Variants in STRN observed in about 807,000 individuals in gnomAD.
The protein encoded by STRN is protein phosphatase 2 regulatory subunit B'''alpha.
In STRN, 53 loss-of-function variants were observed where a neutral mutation model predicts 96.3. The observed-to-expected ratio is 0.55, with a 90% confidence interval of 0.44 to 0.69. The LOEUF (loss-of-function observed/expected upper bound fraction) is 0.69, where lower values mean the gene tolerates loss of function less well. Among genes scored for constraint, STRN ranks in the 30% least tolerant of loss-of-function variants. The probability of loss-of-function intolerance (pLI) is 0.00; values close to 1 mark genes in which losing one functional copy is unlikely to be tolerated. For missense variants in STRN, 987 were observed against 963.9 expected, an observed-to-expected ratio of 1.02 and a Z score of -0.32; for synonymous variants, 428 against 355.9, an observed-to-expected ratio of 1.20 and a Z score of -2.28.
At chr2:36,902,026 T>C (rs1669696173) in intron 5 of STRN, among the ~76,000 whole-genome samples, 1 of 152,216 alleles carries the variant, frequency 6.6e-6, no homozygotes, top group Admixed American at 6.5e-5. Context: ...GAACTGTTTA[T>C]GATTATTTTA....
At chr2:36,868,622 C>A (rs1668687428) in intron 11 of STRN, among the ~76,000 whole-genome samples, 1 of 152,178 alleles carries the variant, frequency 6.6e-6, no homozygotes, top group Non-Finnish European at 1.5e-5. Context: ...AACACCTAAT[C>A]TATGTGAAAG....
At chr2:36,963,679 C>A (rs1486547656) in intron 1 of STRN, among the ~76,000 whole-genome samples, 5 of 152,040 alleles carry the variant, frequency 3.3e-5, no homozygotes, top group Non-Finnish European at 5.9e-5. Context: ...TGTCCTTGGC[C>A]GGGCACAGTG....
chr2:36,929,949 T>C (rs552061036), intron 1 of STRN, among the ~76,000 whole-genome samples: 2 of 152,346 alleles, frequency 1.3e-5, no homozygotes, highest in East Asian at 1.9e-4. Context: ...AGAGGAAATA[T>C]ATAAGTAAAA....
At chr2:36,911,315 G>A (rs919749052) in intron 3 of STRN, among the ~76,000 whole-genome samples, 2 of 152,206 alleles carry the variant, frequency 1.3e-5, no homozygotes, top group African/African-American at 4.8e-5. Flanking sequence ...CTGATTGTCT[G>A]AGCAGACCAG....
At chr2:36,920,723 T>G (rs1670230270) in intron 2 of STRN, among the ~76,000 whole-genome samples, 1 of 151,048 alleles carries the variant, frequency 6.6e-6, no homozygotes. Context: ...AAAAAAATCT[T>G]CCCTAGATTC....
intron 7 of STRN, among the ~76,000 whole-genome samples, chr2:36,893,353 T>G (rs892691322): frequency 1.3e-5 from 2 of 152,132 alleles, no homozygotes; most frequent in Non-Finnish European, 2.9e-5. Flanking sequence ...ACAGGAAAAA[T>G]TAAATGACCT....
At chr2:36,876,859 T>C (rs1012503722) in intron 10 of STRN, among the ~76,000 whole-genome samples, 6 of 152,008 alleles carry the variant, frequency 3.9e-5, no homozygotes, top group African/African-American at 1.2e-4. Flanking sequence ...GCCATTCTCC[T>C]GCCTCAGCCT....
In STRN at chr2:36,909,306, C is replaced by T. The variant is rs543781530; in HGVS notation, c.413-3688G>A. ...ACATTCATTCTTGCCTTGTCAAGTT[C>T]AAAAAGTGACATTATATAAAAGTGA... On this transcript the variant is annotated intron_variant, in intron 3 of 17. Coordinates refer to ENST00000263918, the MANE Select transcript of STRN (RefSeq NM_003162.4). Among the ~76,000 whole-genome samples, 576 of 151,898 alleles carry T rather than the reference C, an allele frequency of 3.8e-3. 3 individuals are homozygous for T. Among genetic ancestry groups the T allele is most frequent in the African/African-American group, 0.014 (559 of 41,390 alleles).
chr2:36,940,136 T>A (rs1465610664), intron 1 of STRN, among the ~76,000 whole-genome samples: 1 of 152,212 alleles, frequency 6.6e-6, no homozygotes, highest in Non-Finnish European at 1.5e-5. Flanking sequence ...CCCTTTCTGA[T>A]TACTGAAGAA....
Position 36,837,772 on chromosome 2 carries a change from G to T in STRN, c.*11684C>A, listed in dbSNP as rs966248735. ...GTCAACAGACAACTTACAAGAGTTG[G>T]AAAAAAATGTTTGCATCCAAGATAA... On this transcript the variant is annotated 3_prime_UTR_variant, in exon 18 of 18. Coordinates refer to ENST00000263918, the MANE Select transcript of STRN (RefSeq NM_003162.4). 6.6e-5 allele frequency among the ~76,000 whole-genome samples: 10 copies of T among 151,960 alleles called. No homozygotes were observed. Among genetic ancestry groups the T allele is most frequent in the African/African-American group, 2.2e-4 (9 of 41,358 alleles).
At chr2:36,905,423 T>C (rs1669795423) in intron 4 of STRN, 117 bp downstream of exon 4, 1 of 883,056 alleles carries the variant, frequency 1.1e-6, no homozygotes, top group Non-Finnish European at 1.8e-6. Context: ...TTAAGCTTTT[T>C]CACAGCATCT....
chr2:36,886,824 T>C lies in STRN; in HGVS notation c.934A>G (p.Lys312Glu). Residue 312 changes from lysine (K) to glutamate (E), a missense_variant and splice_region_variant, in exon 8 of 18, where the codon AAG becomes GAG. Lys to Glu is a moderately conservative substitution (Grantham distance 56). Transcript: ENST00000263918. ...RSAGDGTDWEKEDQCLMPEAW... is the reference protein window; with the variant it reads ...RSAGDGTDWEEEDQCLMPEAW... ...TCAGGCATGAGACACTGGTCTTCCT[T>C]TTCTAAACAGAGTGAAACAAATGAA... 1 of 1,610,338 alleles carries C rather than the reference T, an allele frequency of 6.2e-7. No individual in the cohort carries two copies. Among genetic ancestry groups the C allele is most frequent in the Admixed American group, 1.7e-5 (1 of 59,420 alleles).
At chr2:36,861,622 T>C (rs925219848) in intron 12 of STRN, among the ~76,000 whole-genome samples, 5 of 152,148 alleles carry the variant, frequency 3.3e-5, no homozygotes, top group African/African-American at 1.2e-4. Flanking sequence ...GAGTCAGATA[T>C]TATGTGACTC....
chr2:36,941,241 A>T (rs1572690707), intron 1 of STRN, among the ~76,000 whole-genome samples: 1 of 152,292 alleles, frequency 6.6e-6, no homozygotes, highest in East Asian at 1.9e-4. Context: ...ACATATAAAG[A>T]TTTATATATT....
chr2:36,873,517 GC>G (rs1668819499), intron 10 of STRN, among the ~76,000 whole-genome samples: 1 of 152,062 alleles, frequency 6.6e-6, no homozygotes, highest in Non-Finnish European at 1.5e-5. Flanking sequence ...TCAAGATTAT[GC>G]CATTGCACAC....
intron 6 of STRN, among the ~76,000 whole-genome samples, chr2:36,898,948 G>A (rs1046957983): frequency 6.6e-6 from 1 of 152,100 alleles, no homozygotes; most frequent in African/African-American, 2.4e-5. Flanking sequence ...AAAGAGGGAA[G>A]AAGAGAAGAA....
At chr2:36,877,217 A>G (rs1040332275) in intron 10 of STRN, among the ~76,000 whole-genome samples, 1 of 152,208 alleles carries the variant, frequency 6.6e-6, no homozygotes, top group Non-Finnish European at 1.5e-5. Context: ...TCAACAGGAT[A>G]TTGACTAGTG....
At chr2:36,931,222 T>C (rs190688343) in intron 1 of STRN, among the ~76,000 whole-genome samples, 75 of 152,260 alleles carry the variant, frequency 4.9e-4, no homozygotes, top group Non-Finnish European at 7.4e-5. Context: ...AGCTTTTTGA[T>C]TCTCTTCCAA....
chr2:36,890,477 C>CTTTTTTTTTTTTTTTTTTTT (rs1163881782), intron 7 of STRN, among the ~76,000 whole-genome samples: 1 of 104,644 alleles, frequency 9.6e-6, no homozygotes, highest in African/African-American at 4.0e-5. Flanking sequence ...CACCAGAAAA[C>CTTTTTTTTTTTTTTTTTTTT]TTTTTTTTTT....
Sources: allele counts gnomAD v4.1 joint callset (sites outside exome capture counted in the v4.1 genomes callset), GRCh38; gene constraint gnomAD v4.1.1; transcripts MANE v1.5; gene names NCBI Gene and HGNC (gene_info 2026-07-23, HGNC 2026-07-21).